PDE10A: variants seen among roughly 807,000 people sequenced by gnomAD.
PDE10A encodes the protein phosphodiesterase 10A.
Under a neutral mutation model 97.7 loss-of-function variants are expected in PDE10A, and 39 were observed. The observed-to-expected ratio is 0.40, with a 90% CI of 0.31 to 0.52. The LOEUF is 0.52. Among genes scored for constraint, PDE10A ranks in the 20% least tolerant of loss-of-function variants. The probability of loss-of-function intolerance (pLI) is 0.56; values close to 1 mark genes in which losing one functional copy is unlikely to be tolerated. For synonymous variants in PDE10A, 371 were observed against 376.8 expected (o/e 0.98, Z 0.18); for missense variants, 731 against 1,047.8 (o/e 0.70, Z 4.17).
chr6:165,909,428 C>G (rs1782393369), intron 1 of PDE10A, among the ~76,000 whole-genome samples: 1 of 152,202 alleles, frequency 6.6e-6, no homozygotes. Context: ...GACTCGGACA[C>G]CGTAGCTTAG....
chr6:165,350,258 A>G (rs1390755195), intron 18 of PDE10A, among the ~76,000 whole-genome samples: 1 of 152,220 alleles, frequency 6.6e-6, no homozygotes, highest in African/African-American at 2.4e-5. Flanking sequence ...CACCTCTTGC[A>G]TCAGCATGAC....
chr6:165,418,841 T>G lies in PDE10A; in HGVS notation c.1654-64A>C. 1 of 1,377,748 alleles carries G rather than the reference T, an allele frequency of 7.3e-7. No individual in the cohort carries two copies. The highest frequency in any genetic ancestry group is 1.0e-6 in the Non-Finnish European group (1 of 982,922). 85.3% of individuals were successfully genotyped at this position (1,377,748 alleles called of 1,614,324 possible). A position where few individuals can be genotyped will look rare whatever the true frequency, so the allele number is the denominator to read the frequency against. On this transcript the variant is annotated intron_variant, in intron 10 of 21. Coordinates refer to ENST00000539869, the MANE Select transcript of PDE10A (RefSeq NM_001385079.1). This position sits in a 1 kb window ranked among gnomAD's most constrained non-coding sequence, Gnocchi z 4.8. ...CATTCAAAGAACTTGCAGGTAAACT[T>G]TATCATAAAATAAGTATTAATTTCA...
At chr6:165,521,877 T>C (rs1782148304) in intron 2 of PDE10A, among the ~76,000 whole-genome samples, 2 of 152,182 alleles carry the variant, frequency 1.3e-5, no homozygotes, top group African/African-American at 4.8e-5. Flanking sequence ...CACCTGGTGC[T>C]TTCTGGCACT....
intron 1 of PDE10A, among the ~76,000 whole-genome samples, chr6:165,673,612 T>C (rs1341243414): frequency 3.3e-5 from 5 of 152,250 alleles, no homozygotes; most frequent in African/African-American, 1.2e-4. Context: ...TCCCTTATTT[T>C]ACATGTTAGT....
At chr6:165,839,980 T>G (rs1780205248) in intron 1 of PDE10A, among the ~76,000 whole-genome samples, 2 of 127,704 alleles carry the variant, frequency 1.6e-5, no homozygotes, top group South Asian at 2.6e-4. Context: ...TTCATCCCCA[T>G]CCCCATCTCC....
At chr6:165,942,926 G>A (rs1056416665) in intron 1 of PDE10A, among the ~76,000 whole-genome samples, 30 of 151,818 alleles carry the variant, frequency 2.0e-4, no homozygotes, top group Admixed American at 3.3e-4. Context: ...TGTCAATGTC[G>A]GTTTGCTCAG....
At chr6:165,608,108 GTATATA>G (rs746738828) in intron 1 of PDE10A, among the ~76,000 whole-genome samples, 2 of 144,660 alleles carry the variant, frequency 1.4e-5, no homozygotes, top group Non-Finnish European at 3.0e-5. Flanking sequence ...ATATATACAT[GTATATA>G]TATATATTTT....
chr6:165,425,062 C>T (rs2128234824), intron 10 of PDE10A, among the ~76,000 whole-genome samples: 1 of 152,128 alleles, frequency 6.6e-6, no homozygotes. Flanking sequence ...CCAGCTAATA[C>T]ATTAACAAAC....
chr6:165,605,229 C>T lies in PDE10A; in HGVS notation c.865+56718G>A, dbSNP rs961041250. Among the ~76,000 whole-genome samples the T allele has an allele frequency of 5.3e-5, 8 of 152,066 alleles. 1 individual carries two copies. The highest frequency in any genetic ancestry group is 2.6e-4 in the Admixed American group (4 of 15,264). On this transcript the variant is annotated intron_variant, in intron 1 of 21. Coordinates refer to ENST00000539869, the MANE Select transcript of PDE10A (RefSeq NM_001385079.1). ...TCCTGGCAATCCTTGACATTGCTTC[C>T]GTGTTTCCAGAACCCATATTAAAAA...
At chr6:165,833,558 A>G (rs1779984931) in intron 1 of PDE10A, among the ~76,000 whole-genome samples, 1 of 152,264 alleles carries the variant, frequency 6.6e-6, no homozygotes, top group African/African-American at 2.4e-5. Flanking sequence ...GCAGGCAGCC[A>G]GCTGAGGGCT....
At position 165,889,485 on chromosome 6, in the gene PDE10A, A is replaced by G. The variant is rs973322470; in HGVS notation, c.-615+98044T>C. ...GCCACACCATTGGGTTCACGGGGGA[A>G]TATCTCCAGGCTTACATCTGCACTC... On this transcript the variant is annotated intron_variant, in intron 1 of 19. Transcript: ENST00000366882. 2.0e-5 allele frequency among the ~76,000 whole-genome samples: 3 copies of G among 152,204 alleles called. No homozygotes were observed. In the East Asian group the frequency reaches 5.8e-4, roughly 29 times the overall value.
chr6:165,423,554 A>T (rs1033161366), intron 10 of PDE10A, among the ~76,000 whole-genome samples: 2 of 152,154 alleles, frequency 1.3e-5, no homozygotes, highest in African/African-American at 4.8e-5. Context: ...AGATGAACTG[A>T]TCACCTAGTA....
At chr6:165,745,296 C>T (rs928187467) in intron 1 of PDE10A, among the ~76,000 whole-genome samples, 3 of 152,172 alleles carry the variant, frequency 2.0e-5, no homozygotes, top group African/African-American at 4.8e-5. Flanking sequence ...CCCCTTGCCC[C>T]TCACACTTAT....
At chr6:165,459,364 T>G (rs1402564198) in intron 3 of PDE10A, among the ~76,000 whole-genome samples, 1 of 152,184 alleles carries the variant, frequency 6.6e-6, no homozygotes, top group Non-Finnish European at 1.5e-5. Context: ...TTTTGTCACA[T>G]ACTTTGCCAG....
intron 2 of PDE10A, among the ~76,000 whole-genome samples, chr6:165,497,632 G>C (rs1441226714): frequency 1.3e-5 from 2 of 152,052 alleles, no homozygotes; most frequent in Non-Finnish European, 2.9e-5. Context: ...ATAGAACTTA[G>C]TCATCTCTGA....
intron 1 of PDE10A, among the ~76,000 whole-genome samples, chr6:165,824,973 A>AAAC (rs1375120123): frequency 1.3e-5 from 2 of 148,328 alleles, no homozygotes; most frequent in Non-Finnish European, 3.0e-5. Context: ...TCTACTAAAA[A>AAAC]AAAAAAAAAA....
At chr6:165,943,553 T>A (rs1303080023) in intron 1 of PDE10A, among the ~76,000 whole-genome samples, 1 of 151,874 alleles carries the variant, frequency 6.6e-6, no homozygotes. Flanking sequence ...AAGTACAGAG[T>A]CCAAAGGTCT....
chr6:165,943,175 A>AAAAAG (rs1783595286), intron 1 of PDE10A, among the ~76,000 whole-genome samples: 1 of 68,490 alleles, frequency 1.5e-5, no homozygotes, highest in African/African-American at 7.6e-5. Flanking sequence ...AAAGAAAGAA[A>AAAAAG]AAAGAAAGAA....
intron 1 of PDE10A, chr6:165,939,709 C>T (rs566949655): frequency 2.0e-5 from 3 of 152,296 alleles, no homozygotes; most frequent in African/African-American, 7.2e-5. Flanking sequence ...CCTCAGAAAA[C>T]CCGTCAGAAG....
Sources: gnomAD v4.1 joint callset for allele counts (sites outside exome capture counted in the v4.1 genomes callset) on GRCh38, gnomAD v4.1.1 for gene constraint, Gnocchi (gnomAD v3.1) non-coding constraint, MANE v1.5 for transcripts, NCBI Gene and HGNC (gene_info 2026-07-23, HGNC 2026-07-21) for gene names.